RNF13: variants seen among roughly 807,000 people sequenced by gnomAD.
RNF13 encodes ring finger protein 13.
In RNF13, 19 loss-of-function variants were observed where a neutral mutation model predicts 37.7. The ratio of observed to expected loss-of-function variants is 0.50; its 90% confidence interval spans 0.35 to 0.74. The LOEUF is 0.74. RNF13 is among the 30% of genes least tolerant of loss of function. The pLI is 0.01. For synonymous variants in RNF13, 144 were observed against 157.8 expected, an observed-to-expected ratio of 0.91 and a Z score of 0.65; for missense variants, 375 against 453.0, an observed-to-expected ratio of 0.83 and a Z score of 1.56.
At chr3:149,899,460 A>T (rs534382633) in intron 5 of RNF13, among the ~76,000 whole-genome samples, 7 of 152,146 alleles carry the variant, frequency 4.6e-5, no homozygotes, top group African/African-American at 9.7e-5. Context: ...AAATGATTGA[A>T]TGAATGAATG....
At chr3:149,885,845 T>C (rs1713966080) in intron 4 of RNF13, among the ~76,000 whole-genome samples, 1 of 152,212 alleles carries the variant, frequency 6.6e-6, no homozygotes, top group African/African-American at 2.4e-5. Context: ...TGTTTTCTTG[T>C]AGTAATTTCA....
intron 7 of RNF13, among the ~76,000 whole-genome samples, chr3:149,915,166 A>G (rs1717376145): frequency 6.6e-6 from 1 of 152,184 alleles, no homozygotes; most frequent in Admixed American, 6.5e-5. Flanking sequence ...GTTGGGTTAC[A>G]TTAATATGCT....
chr3:149,852,960 A>G (rs1044604442), intron 3 of RNF13, among the ~76,000 whole-genome samples: 2 of 151,876 alleles, frequency 1.3e-5, no homozygotes, highest in African/African-American at 4.8e-5. Context: ...TGTATTTAAC[A>G]CTAATAGAAA....
chr3:149,835,666 TTTGTG>T (rs1721539017), intron 1 of RNF13, among the ~76,000 whole-genome samples: 1 of 149,476 alleles, frequency 6.7e-6, no homozygotes, highest in South Asian at 2.1e-4. Flanking sequence ...TGTGTGTGTG[TTTGTG>T]TGTGTGTGTG....
At chr3:149,905,756 A>G (rs1404945739) in intron 6 of RNF13, among the ~76,000 whole-genome samples, 3 of 152,020 alleles carry the variant, frequency 2.0e-5, no homozygotes, top group African/African-American at 7.2e-5. Flanking sequence ...TCTTTTTCCA[A>G]ATAGCCATCA....
intron 1 of RNF13, among the ~76,000 whole-genome samples, chr3:149,826,878 T>G (rs1010594450): frequency 2.6e-5 from 4 of 152,178 alleles, no homozygotes; most frequent in African/African-American, 9.7e-5. Context: ...TGCCTCAGCC[T>G]CCTGAGTAGC....
At chr3:149,893,698 T>A (rs1714952411) in intron 4 of RNF13, 1 of 152,218 alleles carries the variant, frequency 6.6e-6, no homozygotes, top group Non-Finnish European at 1.5e-5. Flanking sequence ...TAGTGATATC[T>A]AAGGGGAAGA....
intron 3 of RNF13, among the ~76,000 whole-genome samples, chr3:149,853,455 G>GAGAGAGAGA (rs1723306052): frequency 2.6e-5 from 3 of 117,262 alleles, no homozygotes; most frequent in African/African-American, 3.3e-5. Flanking sequence ...AGAGAGAGAG[G>GAGAGAGAGA]GAGAGAGAGA....
chr3:149,865,815 T>C (rs1027321331), intron 3 of RNF13, among the ~76,000 whole-genome samples: 7 of 152,130 alleles, frequency 4.6e-5, no homozygotes, highest in Non-Finnish European at 8.8e-5. Flanking sequence ...TAAGCGTTTG[T>C]TACAGGAAAG....
At chr3:149,942,958 T>G (rs1040782185) in intron 8 of RNF13, among the ~76,000 whole-genome samples, 1 of 152,226 alleles carries the variant, frequency 6.6e-6, no homozygotes, top group Non-Finnish European at 1.5e-5. Flanking sequence ...GTTTTGTCCT[T>G]CATCTTGTTA....
chr3:149,936,194 A>G (rs1413661309), intron 8 of RNF13, among the ~76,000 whole-genome samples: 1 of 151,650 alleles, frequency 6.6e-6, no homozygotes, highest in Non-Finnish European at 1.5e-5. Flanking sequence ...GAATTTGATT[A>G]TTGTATGCCT....
intron 3 of RNF13, among the ~76,000 whole-genome samples, chr3:149,855,125 C>T (rs1723517655): frequency 6.6e-6 from 1 of 152,100 alleles, no homozygotes; most frequent in Non-Finnish European, 1.5e-5. Flanking sequence ...AGAGACCAGC[C>T]TGAGCAACAT....
intron 7 of RNF13, among the ~76,000 whole-genome samples, chr3:149,918,828 C>T (rs553432502): frequency 1.6e-4 from 25 of 151,948 alleles, no homozygotes; most frequent in African/African-American, 5.5e-4. Context: ...TGCACCTGGT[C>T]CTATCCCTTT....
chr3:149,956,018 C>T (rs1559976799), intron 8 of RNF13, among the ~76,000 whole-genome samples: 2 of 152,008 alleles, frequency 1.3e-5, no homozygotes, highest in African/African-American at 4.8e-5. Flanking sequence ...TATTCAAAGA[C>T]TGAAAGAAGG....
chr3:149,905,556 T>A (rs1048900228), intron 6 of RNF13, among the ~76,000 whole-genome samples: 3 of 152,002 alleles, frequency 2.0e-5, no homozygotes, highest in Non-Finnish European at 4.4e-5. Flanking sequence ...GGGTTTTTTT[T>A]AATGTAAACA....
chr3:149,945,412 T>C (rs566492734), intron 8 of RNF13, among the ~76,000 whole-genome samples: 20 of 151,988 alleles, frequency 1.3e-4, no homozygotes, highest in African/African-American at 4.8e-4. Flanking sequence ...GTAAACAAAG[T>C]GGTTAGGAAG....
chr3:149,931,171 C>T (rs1390036348), intron 8 of RNF13, among the ~76,000 whole-genome samples: 1 of 152,280 alleles, frequency 6.6e-6, no homozygotes, highest in East Asian at 1.9e-4. Context: ...TCAACCAACC[C>T]TTCCACCTCA....
chr3:149,959,203 A>G (rs1056138888), intron 8 of RNF13, among the ~76,000 whole-genome samples: 59 of 152,334 alleles, frequency 3.9e-4, no homozygotes, highest in African/African-American at 1.4e-3. Context: ...TGTCTAAGCC[A>G]CTATTAATTG....
At chr3:149,846,366 G>C (rs1404574608) in intron 2 of RNF13, among the ~76,000 whole-genome samples, 1 of 151,928 alleles carries the variant, frequency 6.6e-6, no homozygotes, top group African/African-American at 2.4e-5. Flanking sequence ...ACATTGTTGC[G>C]GTCCTGGCTC....
Sources: allele counts gnomAD v4.1 joint callset (sites outside exome capture counted in the v4.1 genomes callset), GRCh38; gene constraint gnomAD v4.1.1; transcripts MANE v1.5; gene names NCBI Gene and HGNC (gene_info 2026-07-23, HGNC 2026-07-21).